Variants in KCNH1 observed in about 807,000 individuals in gnomAD.
The protein encoded by KCNH1 is voltage-gated delayed rectifier potassium channel KCNH1.
Under a neutral mutation model 69.2 loss-of-function variants are expected in KCNH1, and 27 were observed. The ratio of observed to expected loss-of-function variants is 0.39; its 90% CI spans 0.29 to 0.54. The LOEUF (loss-of-function observed/expected upper bound fraction) is 0.54. KCNH1 is among the 20% of genes least tolerant of loss of function. The pLI is 0.68. For synonymous variants in KCNH1, 456 were observed against 487.7 expected (o/e 0.93, Z 0.86); for missense variants, 798 against 1,261.6 (o/e 0.63, Z 5.57).
At chr1:211,096,376 C>T (rs1261106608) in intron 3 of KCNH1, among the ~76,000 whole-genome samples, 1 of 152,122 alleles carries the variant, frequency 6.6e-6, no homozygotes, top group South Asian at 2.1e-4. Context: ...AAAACTATCA[C>T]TTTCCTTTCT....
At chr1:210,856,140 C>T (rs1257062916) in intron 7 of KCNH1, among the ~76,000 whole-genome samples, 2 of 152,180 alleles carry the variant, frequency 1.3e-5, no homozygotes, top group African/African-American at 4.8e-5. Flanking sequence ...CAGCTGCCAT[C>T]TAAAAACTCT....
At chr1:210,881,015 A>ATT (rs755198912) in intron 7 of KCNH1, among the ~76,000 whole-genome samples, 5 of 127,950 alleles carry the variant, frequency 3.9e-5, no homozygotes, top group Non-Finnish European at 4.9e-5. Flanking sequence ...TAAAACAGTA[A>ATT]TATTTTTTTT....
intron 10 of KCNH1, among the ~76,000 whole-genome samples, chr1:210,751,299 A>AG (rs1683279307): frequency 6.6e-6 from 1 of 152,232 alleles, no homozygotes; most frequent in African/African-American, 2.4e-5. Flanking sequence ...TGCATTTGAC[A>AG]GAAGAGCTGG....
chr1:210,694,606 C>G (rs12095079), intron 10 of KCNH1, among the ~76,000 whole-genome samples: 1,968 of 152,342 alleles, frequency 0.013, 32 homozygotes, highest in African/African-American at 0.045. Context: ...AGGGAATCCC[C>G]CTGGAGCTGG....
intron 1 of KCNH1, among the ~76,000 whole-genome samples, chr1:211,113,963 C>CTCTA (rs1316173332): frequency 7.6e-6 from 1 of 130,806 alleles, no homozygotes; most frequent in African/African-American, 2.6e-5. Context: ...GTCTCTCTCT[C>CTCTA]TCTCTCTCTC....
Position 210,680,145 on chromosome 1 carries a change from G to A in KCNH1, c.*3136C>T, listed in dbSNP as rs1681228178. ...CACCAAGAACAAACACCACCTCATT[G>A]ACCATCTTAGTTCTTAGAGTTAACC... On this transcript the variant is annotated 3_prime_UTR_variant, in exon 11 of 11. Coordinates refer to ENST00000271751, the MANE Select transcript of KCNH1 (RefSeq NM_172362.3). 1 of 151,894 alleles carries A rather than the reference G, an allele frequency of 6.6e-6. No individual in the cohort carries two copies. 9.4% of individuals were successfully genotyped at this position (151,894 alleles called of 1,614,324 possible). A position where few individuals can be genotyped will look rare whatever the true frequency, so the allele number is the denominator to read the frequency against.
rs143600067 is a variant in KCNH1, at chr1:210,715,047, G to A, written c.2113-30909C>T. 3.0e-3 allele frequency among the ~76,000 whole-genome samples: 457 copies of A among 152,328 alleles called. 1 individual carries two copies. Among genetic ancestry groups the A allele is most frequent in the African/African-American group, 0.01 (422 of 41,576 alleles). On this transcript the variant is annotated intron_variant, in intron 10 of 10. Coordinates refer to ENST00000271751, the MANE Select transcript of KCNH1 (RefSeq NM_172362.3). Reference sequence around the variant, plus strand: ...CAGAGGGCATGCAGCCAGGCCTGCAGAGAAAGCTTCAGATCAAGTCCACAG... The same window carrying A: ...CAGAGGGCATGCAGCCAGGCCTGCAAAGAAAGCTTCAGATCAAGTCCACAG...
intron 3 of KCNH1, among the ~76,000 whole-genome samples, chr1:211,092,703 T>A (rs1691073418): frequency 6.6e-6 from 1 of 152,184 alleles, no homozygotes; most frequent in Non-Finnish European, 1.5e-5. Flanking sequence ...TGCAGGATTT[T>A]AAACCATTTT....
intron 9 of KCNH1, among the ~76,000 whole-genome samples, chr1:210,778,656 G>C (rs772073032): frequency 6.6e-6 from 1 of 152,186 alleles, no homozygotes; most frequent in Admixed American, 6.5e-5. Flanking sequence ...GAGAGAGCAA[G>C]GGGTGGCTCT....
intron 10 of KCNH1, among the ~76,000 whole-genome samples, chr1:210,718,073 C>G (rs1453671591): frequency 6.6e-6 from 1 of 151,496 alleles, no homozygotes; most frequent in Non-Finnish European, 1.5e-5. Context: ...CACTACTGCA[C>G]TCCAGCCTGG....
rs186345797 is a variant in KCNH1 at position 211,097,059 on chromosome 1, C to T, written c.311-6369G>A. On this transcript the variant is annotated intron_variant, in intron 3 of 10. Coordinates refer to ENST00000271751, the MANE Select transcript of KCNH1 (RefSeq NM_172362.3). ...TAGGCAAGTATCCTAATCGAACTCA[C>T]ATAGCTAATAAATTACAAGAGGGTT... Among the ~76,000 whole-genome samples the T allele has an allele frequency of 2.0e-4, 30 of 152,268 alleles. No homozygotes were observed. The East Asian group carries it at 5.2e-3, about 26-fold the overall frequency.
At chr1:211,131,118 G>A (rs1301976063) in intron 1 of KCNH1, among the ~76,000 whole-genome samples, 1 of 151,970 alleles carries the variant, frequency 6.6e-6, no homozygotes, top group Admixed American at 6.6e-5. Context: ...TTAAATATTT[G>A]AGGAAAGCCT....
At chr1:211,069,871 T>A (rs1690604615) in intron 5 of KCNH1, among the ~76,000 whole-genome samples, 1 of 152,236 alleles carries the variant, frequency 6.6e-6, no homozygotes, top group South Asian at 2.1e-4. Flanking sequence ...TGTTTATATT[T>A]TACGGTAGTA....
intron 10 of KCNH1, among the ~76,000 whole-genome samples, chr1:210,720,614 A>G (rs1574209515): frequency 6.6e-6 from 1 of 152,174 alleles, no homozygotes; most frequent in Non-Finnish European, 1.5e-5. Flanking sequence ...CTTGCCCCCA[A>G]AGAACTGGGA....
intron 6 of KCNH1, among the ~76,000 whole-genome samples, chr1:210,934,595 T>C (rs922062300): frequency 1.3e-5 from 2 of 151,734 alleles, no homozygotes; most frequent in Non-Finnish European, 2.9e-5. Context: ...GCCGAAAGCG[T>C]GCCACTGCAC....
chr1:210,814,157 C>T (rs918315395), intron 7 of KCNH1, among the ~76,000 whole-genome samples: 3 of 152,116 alleles, frequency 2.0e-5, no homozygotes, highest in African/African-American at 7.2e-5. Flanking sequence ...ATCAATCCAG[C>T]ATAGGAGGAG....
chr1:210,960,986 AC>A, intron 6 of KCNH1, among the ~76,000 whole-genome samples: 1 of 152,248 alleles, frequency 6.6e-6, no homozygotes, highest in South Asian at 2.1e-4. Flanking sequence ...TTTCTTGATA[AC>A]TAATTGATGC....
chr1:210,681,563 CCAGCCCTGGGACTCGCCGTGAGCA>C lies in KCNH1; in HGVS notation c.*1694_*1717del, dbSNP rs937878106. ...CTGCCTTGCACAGACAACCGAGGGC[CCAGCCCTGGGACTCGCCGTGAGCA>C]CTGGGCAGGACTAAGGAGGTGGGGT... On this transcript the variant is annotated 3_prime_UTR_variant, in exon 11 of 11. Coordinates refer to ENST00000271751, the MANE Select transcript of KCNH1 (RefSeq NM_172362.3). 2.6e-5 allele frequency: 4 copies of C among 152,202 alleles called. No homozygotes were observed. The highest frequency in any genetic ancestry group is 5.9e-5 in the Non-Finnish European group (4 of 68,154). 9.4% of individuals were successfully genotyped at this position (152,202 alleles called of 1,614,324 possible). A position where few individuals can be genotyped will look rare whatever the true frequency, so the allele number is the denominator to read the frequency against.
intron 10 of KCNH1, among the ~76,000 whole-genome samples, chr1:210,741,022 G>T (rs1683014626): frequency 6.6e-6 from 1 of 152,070 alleles, no homozygotes; most frequent in African/African-American, 2.4e-5. Context: ...CTCATTTAAA[G>T]AAAATTCAAG....
Sources: gnomAD v4.1 joint callset for allele counts (sites outside exome capture counted in the v4.1 genomes callset) on GRCh38, gnomAD v4.1.1 for gene constraint, MANE v1.5 for transcripts, NCBI Gene and HGNC (gene_info 2026-07-23, HGNC 2026-07-21) for gene names.